DCUN1D3: variants seen among roughly 807,000 people sequenced by gnomAD.
DCUN1D3 encodes DCN1-like protein 3.
A neutral mutation model predicts 24.8 loss-of-function variants in DCUN1D3; 6 were observed. The observed-to-expected ratio is 0.24, with a 90% confidence interval of 0.13 to 0.48. The LOEUF (loss-of-function observed/expected upper bound fraction) is 0.48, where lower values mean the gene tolerates loss of function less well. DCUN1D3 is among the 20% of genes least tolerant of loss of function. DCUN1D3 has a pLI of 0.99. For missense variants in DCUN1D3, 258 were observed against 379.4 expected (o/e 0.68, Z 2.66); for synonymous variants, 120 against 144.9 (o/e 0.83, Z 1.24).
In DCUN1D3 at chr16:20,859,548, A is replaced by AC. The variant is rs915031483; in HGVS notation, c.*337_*338insG. 1.6e-5 allele frequency: 3 copies of AC among 181,872 alleles called. No homozygotes were observed. The highest frequency in any genetic ancestry group is 7.5e-5 in the African/African-American group (3 of 40,088). The allele number at this position is 181,872 out of a possible 1,614,324, so 11.3% of individuals were successfully genotyped here. The stretch of plus-strand genomic sequence containing the variant: ...TCTATGCCCTCCCCTACCAAAAAAA[A>AC]AAAAAAAAAAACAAAAAAAAACAAA... On this transcript the variant is annotated 3_prime_UTR_variant, in exon 3 of 3. Transcript: ENST00000324344.
intron 1 of DCUN1D3, among the ~76,000 whole-genome samples, chr16:20,864,971 G>C (rs532317821): frequency 2.6e-5 from 4 of 152,244 alleles, no homozygotes; most frequent in African/African-American, 7.2e-5. Context: ...AACAGAAACT[G>C]GGGTCTACTT....
At position 20,859,415 on chromosome 16, in the gene DCUN1D3, T is replaced by C. The variant is rs2081717412; in HGVS notation, c.*471A>G. On this transcript the variant is annotated 3_prime_UTR_variant, in exon 3 of 3. Transcript: ENST00000324344. Reference sequence around the variant, plus strand: ...CTAAATTCATCTATGTAAACAGCACTACACACAGTACAGACCTGCCCTGAA... The same window carrying C: ...CTAAATTCATCTATGTAAACAGCACCACACACAGTACAGACCTGCCCTGAA... The C allele has an allele frequency of 6.5e-6, 1 of 153,364 alleles. No individual in the cohort carries two copies. The highest frequency in any genetic ancestry group is 1.5e-5 in the Non-Finnish European group (1 of 68,898). 9.5% of individuals were successfully genotyped at this position (153,364 alleles called of 1,614,324 possible). A position where few individuals can be genotyped will look rare whatever the true frequency, so the allele number is the denominator to read the frequency against.
intron 1 of DCUN1D3, among the ~76,000 whole-genome samples, chr16:20,865,419 G>A (rs1223279404): frequency 1.3e-5 from 2 of 152,150 alleles, no homozygotes; most frequent in African/African-American, 2.4e-5. Flanking sequence ...AGCCAGAAGC[G>A]AGGTGATTTC....
intron 1 of DCUN1D3, among the ~76,000 whole-genome samples, chr16:20,891,066 T>C (rs1275878704): frequency 3.3e-5 from 5 of 151,936 alleles, no homozygotes; most frequent in Admixed American, 1.3e-4. Flanking sequence ...CGATCTTGGC[T>C]CACTGCAATC....
intron 1 of DCUN1D3, among the ~76,000 whole-genome samples, chr16:20,885,232 C>T (rs767148084): frequency 6.6e-6 from 1 of 152,118 alleles, no homozygotes; most frequent in Non-Finnish European, 1.5e-5. Flanking sequence ...GCCTCAGTCT[C>T]CCAAAAGTGC....
At position 20,862,552 on chromosome 16, in the gene DCUN1D3, T is replaced by G. The variant is rs753557813; in HGVS notation, c.-14A>C. Reference sequence around the variant, plus strand: ...ACACTGGCCCATGGTGCTGGTGGCCTGGCCTCTAGAGTGGACCCCTCTGGA... The same window carrying G: ...ACACTGGCCCATGGTGCTGGTGGCCGGGCCTCTAGAGTGGACCCCTCTGGA... On this transcript the variant is annotated 5_prime_UTR_variant, in exon 2 of 3. Coordinates refer to ENST00000324344, the MANE Select transcript of DCUN1D3 (RefSeq NM_173475.4). 1.9e-6 allele frequency: 3 copies of G among 1,593,350 alleles called. No individual in the cohort carries two copies. Among genetic ancestry groups the G allele is most frequent in the Non-Finnish European group, 2.6e-6 (3 of 1,175,824 alleles).
intron 1 of DCUN1D3, among the ~76,000 whole-genome samples, chr16:20,886,638 C>T (rs1232178523): frequency 6.6e-6 from 1 of 152,164 alleles, no homozygotes; most frequent in Non-Finnish European, 1.5e-5. Context: ...AGTTTTAAAC[C>T]TTACACACAA....
intron 2 of DCUN1D3, among the ~76,000 whole-genome samples, chr16:20,861,784 C>A (rs9930297): frequency 6.3e-4 from 95 of 150,958 alleles, no homozygotes; most frequent in African/African-American, 2.3e-3. Flanking sequence ...AAAAAAAAAA[C>A]CATAGCGTAC....
rs981853430 is a variant in DCUN1D3, at chr16:20,858,657, T to A, written c.*1229A>T. The A allele has an allele frequency of 1.3e-4, 19 of 151,154 alleles. No individual in the cohort carries two copies. The highest frequency in any genetic ancestry group is 4.6e-4 in the African/African-American group (19 of 41,076). The allele number at this position is 151,154 out of a possible 1,614,324, so 9.4% of individuals were successfully genotyped here. A position where few individuals can be genotyped will look rare whatever the true frequency, so the allele number is the denominator to read the frequency against. ...TCACATTACCCCAAATGAGCCTGACTTTAACAAAAAGATAATAAATAACTC... is the reference window on the plus strand; with the variant it reads ...TCACATTACCCCAAATGAGCCTGACATTAACAAAAAGATAATAAATAACTC... On this transcript the variant is annotated 3_prime_UTR_variant, in exon 3 of 3. Coordinates refer to ENST00000324344, the MANE Select transcript of DCUN1D3 (RefSeq NM_173475.4).
chr16:20,869,742 T>C (rs749803726), intron 1 of DCUN1D3, among the ~76,000 whole-genome samples: 2 of 152,250 alleles, frequency 1.3e-5, no homozygotes, highest in East Asian at 1.9e-4. Flanking sequence ...CACGACTCTA[T>C]AAGGAAGACA....
intron 1 of DCUN1D3, among the ~76,000 whole-genome samples, chr16:20,871,614 C>T (rs201769552): frequency 6.6e-6 from 1 of 152,174 alleles, no homozygotes; most frequent in African/African-American, 2.4e-5. Context: ...GCCTACTTGC[C>T]AAATACAGCC....
intron 1 of DCUN1D3, among the ~76,000 whole-genome samples, chr16:20,870,800 C>T (rs1311703760): frequency 6.6e-6 from 1 of 152,204 alleles, no homozygotes; most frequent in Non-Finnish European, 1.5e-5. Flanking sequence ...GTTTGTAGAG[C>T]TAGCTGGGTG....
At position 20,860,350 on chromosome 16, in the gene DCUN1D3, A is replaced by G; in HGVS notation, c.451T>C (p.Cys151Arg). ...KFTRKEFFDG[C>R]KAISADSIDG... ...ATGCTGTCTGCACTTATTGCTTTGC[A>G]GCCATCAAAAAACTCCTTCCTGCAA... Residue 151 changes from cysteine (C) to arginine (R), a missense_variant, in exon 3 of 3, where the codon TGC becomes CGC. Transcript: ENST00000324344. This position sits in a 1 kb window ranked among gnomAD's most constrained non-coding sequence, Gnocchi z 4.3. 6.2e-7 allele frequency: 1 copy of G among 1,611,162 alleles called. No individual in the cohort carries two copies. Among genetic ancestry groups the G allele is most frequent in the Non-Finnish European group, 8.5e-7 (1 of 1,178,212 alleles).
intron 1 of DCUN1D3, among the ~76,000 whole-genome samples, chr16:20,877,365 C>T (rs1419988051): frequency 6.6e-6 from 1 of 152,174 alleles, no homozygotes; most frequent in Non-Finnish European, 1.5e-5. Context: ...AATGCCACTT[C>T]CCTCTAATTC....
At chr16:20,877,941 C>T (rs1251225686) in intron 1 of DCUN1D3, among the ~76,000 whole-genome samples, 2 of 152,204 alleles carry the variant, frequency 1.3e-5, no homozygotes, top group African/African-American at 2.4e-5. Flanking sequence ...AGACTACAGG[C>T]ACATGGTGCC....
At chr16:20,865,264 C>T (rs529640868) in intron 1 of DCUN1D3, among the ~76,000 whole-genome samples, 40 of 151,822 alleles carry the variant, frequency 2.6e-4, no homozygotes, top group Non-Finnish European at 5.1e-4. Context: ...GACAGATTTA[C>T]CCAAATACAA....
At chr16:20,869,427 A>G (rs1453651503) in intron 1 of DCUN1D3, among the ~76,000 whole-genome samples, 1 of 152,202 alleles carries the variant, frequency 6.6e-6, no homozygotes, top group South Asian at 2.1e-4. Context: ...CTTCATATTC[A>G]TCATCACCTT....
rs1240460509 is a variant in DCUN1D3, at chr16:20,855,494, AT to A, written c.*4391del. ...GGATGGGTGGCGGAAGTAGGTATTT[AT>A]GAGATAGGCTGGGTTTCCAAGAAGA... On this transcript the variant is annotated 3_prime_UTR_variant, in exon 3 of 3. Coordinates refer to ENST00000324344, the MANE Select transcript of DCUN1D3 (RefSeq NM_173475.4). The A allele has an allele frequency of 6.6e-6, 1 of 152,258 alleles. No homozygotes were observed. Among genetic ancestry groups the A allele is most frequent in the East Asian group, 1.9e-4 (1 of 5,206 alleles). 9.4% of individuals were successfully genotyped at this position (152,258 alleles called of 1,614,324 possible). A position where few individuals can be genotyped will look rare whatever the true frequency, so the allele number is the denominator to read the frequency against.
intron 1 of DCUN1D3, among the ~76,000 whole-genome samples, chr16:20,864,759 G>A (rs999261755): frequency 1.3e-5 from 2 of 152,212 alleles, no homozygotes; most frequent in African/African-American, 4.8e-5. Flanking sequence ...ATCAGTGACA[G>A]ATAAGATAAA....
Sources: allele counts gnomAD v4.1 joint callset (sites outside exome capture counted in the v4.1 genomes callset), GRCh38; gene constraint gnomAD v4.1.1; non-coding constraint Gnocchi (gnomAD v3.1); transcripts MANE v1.5; gene names NCBI Gene and HGNC (gene_info 2026-07-23, HGNC 2026-07-21).